The following CASK variants were observed in gnomAD, a reference collection of about 807,000 sequenced individuals.
CASK encodes calcium/calmodulin dependent serine protein kinase.
Under a neutral mutation model 82.9 loss-of-function variants are expected in CASK, and 4 were observed. That is an observed-to-expected ratio of 0.05 (90% CI 0.02 to 0.11). The LOEUF is 0.11. Among genes scored for constraint, CASK ranks in the 10% least tolerant of loss-of-function variants. The probability of loss-of-function intolerance (pLI) is 1.00; values close to 1 mark genes in which losing one functional copy is unlikely to be tolerated. For missense variants in CASK, 358 were observed against 720.9 expected (o/e 0.50, Z 5.76); for synonymous variants, 259 against 253.5 (o/e 1.02, Z -0.20).
At chrX:41,909,992 C>T (rs914963986) in intron 1 of CASK, among the ~76,000 whole-genome samples, 1 of 111,717 alleles carries the variant, frequency 9.0e-6, no homozygotes, top group African/African-American at 3.2e-5. Flanking sequence ...GAGGCCGAGG[C>T]AGGCAGATCA....
At position 41,718,466 on chromosome X, in the gene CASK, G is replaced by C. The variant is rs1441738552; in HGVS notation, c.429+20918C>G. ...GTCTTGGGGACTCAGCCTTCAACCT[G>C]TGGGATCTGACGCTATCTCCAGGTA... On this transcript the variant is annotated intron_variant, in intron 5 of 26. Transcript: ENST00000378163. Among the ~76,000 whole-genome samples the C allele has an allele frequency of 2.7e-5, 3 of 111,803 alleles. No homozygotes were observed. The East Asian group carries it at 8.5e-4, about 32-fold the overall frequency.
intron 2 of CASK, among the ~76,000 whole-genome samples, chrX:41,794,819 C>T (rs895526539): frequency 8.9e-6 from 1 of 112,632 alleles, no homozygotes; most frequent in Non-Finnish European, 1.9e-5. Context: ...ATGTTCTTCA[C>T]ATACCTGTGC....
At chrX:41,902,958 G>A (rs923017672) in intron 1 of CASK, among the ~76,000 whole-genome samples, 5 of 111,931 alleles carry the variant, frequency 4.5e-5, no homozygotes, top group Non-Finnish European at 9.4e-5. Context: ...TAGCAGTGTG[G>A]GTGGGGATTA....
chrX:41,918,486 A>T (rs2072730020), intron 1 of CASK, among the ~76,000 whole-genome samples: 1 of 112,315 alleles, frequency 8.9e-6, no homozygotes, highest in African/African-American at 3.2e-5. Context: ...ATATTAAATC[A>T]AGCCATTATA....
chrX:41,655,188 G>A (rs1249098930), intron 8 of CASK, among the ~76,000 whole-genome samples: 2 of 111,111 alleles, frequency 1.8e-5, no homozygotes, highest in Non-Finnish European at 3.8e-5. Flanking sequence ...TCTGCACTTC[G>A]AGAAATATTA....
chrX:41,832,236 T>C (rs143337906), intron 2 of CASK, among the ~76,000 whole-genome samples: 333 of 111,580 alleles, frequency 3.0e-3, no homozygotes, highest in African/African-American at 0.01. Context: ...CTTTGGACTT[T>C]CCTGAATGTG....
Position 41,748,192 on chromosome X carries a change from C to T in CASK, c.279-2591G>A, listed in dbSNP as rs761351046. 1.1e-3 allele frequency: 122 copies of T among 114,292 alleles called. 1 individual carries two copies. Among genetic ancestry groups the T allele is most frequent in the Non-Finnish European group, 2.0e-3 (109 of 54,508 alleles). The allele number at this position is 114,292 out of a possible 1,213,427, so 9.4% of individuals were successfully genotyped here. Reference sequence around the variant, plus strand: ...GCAATAAGAATTTAGGCTCTTTCTGCCATCTCTCCATGCTGCCATAATGGT... The same window carrying T: ...GCAATAAGAATTTAGGCTCTTTCTGTCATCTCTCCATGCTGCCATAATGGT... On this transcript the variant is annotated intron_variant, in intron 3 of 26. Transcript: ENST00000378163.
chrX:41,687,482 T>A (rs1050539399), intron 5 of CASK, among the ~76,000 whole-genome samples: 1 of 112,007 alleles, frequency 8.9e-6, no homozygotes, highest in African/African-American at 3.2e-5. Context: ...ATTCCACTCA[T>A]ATGAAGTGTC....
intron 5 of CASK, among the ~76,000 whole-genome samples, chrX:41,691,763 C>T (rs1412951663): frequency 1.0e-5 from 1 of 97,739 alleles, no homozygotes; most frequent in African/African-American, 3.9e-5. Flanking sequence ...ACTGCTTGAA[C>T]TCGGGAGGCG....
chrX:41,819,311 A>G (rs2070482096), intron 2 of CASK, among the ~76,000 whole-genome samples: 1 of 111,678 alleles, frequency 9.0e-6, no homozygotes, highest in African/African-American at 3.2e-5. Context: ...CAAGAAAATT[A>G]TAAGAAATAT....
intron 1 of CASK, among the ~76,000 whole-genome samples, chrX:41,864,302 C>G (rs1307339405): frequency 1.8e-5 from 2 of 111,639 alleles, no homozygotes; most frequent in African/African-American, 6.5e-5. Flanking sequence ...ACCTAACACT[C>G]TAAGTCAGGG....
At chrX:41,779,383 G>A (rs1174863192) in intron 3 of CASK, among the ~76,000 whole-genome samples, 1 of 112,054 alleles carries the variant, frequency 8.9e-6, no homozygotes, top group Non-Finnish European at 1.9e-5. Context: ...TTCAGCTAAT[G>A]TATCTTTTCC....
chrX:41,729,912 C>T (rs1206586244), intron 5 of CASK: 1 of 111,647 alleles, frequency 9.0e-6, no homozygotes, highest in Non-Finnish European at 2.0e-5. Flanking sequence ...AATTTCTTTT[C>T]TTTCATGTAA....
At position 41,917,436 on chromosome X, in the gene CASK, G is replaced by A. The variant is rs143622728; in HGVS notation, c.59+5494C>T. Among the ~76,000 whole-genome samples the A allele has an allele frequency of 9.6e-3, 1,078 of 112,181 alleles. 15 individuals carry two copies. The highest frequency in any genetic ancestry group is 0.033 in the African/African-American group (1,022 of 30,848). ...CCTACCACATTTAAAATGTGAAAAC[G>A]TTTAAGAAAATGTAATAATTCAAGA... is the stretch of plus-strand genomic sequence containing the variant. On this transcript the variant is annotated intron_variant, in intron 1 of 26. Transcript: ENST00000378163.
rs1054756242 is a variant in CASK, at chrX:41,800,771, C to T, written c.173-13488G>A. 2.4e-4 allele frequency among the ~76,000 whole-genome samples: 26 copies of T among 109,864 alleles called. No individual in the cohort carries two copies. In the East Asian group the frequency reaches 4.3e-3, roughly 18 times the overall value. On this transcript the variant is annotated intron_variant, in intron 2 of 26. Coordinates refer to ENST00000378163, the MANE Select transcript of CASK (RefSeq NM_001367721.1). ...TGCGGTGTTTGGTTTTTTGTCCTTG[C>T]GATAGTTTACTGAGAATGATGATTT...
chrX:41,780,272 T>C (rs1038853666), intron 3 of CASK, among the ~76,000 whole-genome samples: 4 of 112,204 alleles, frequency 3.6e-5, no homozygotes, highest in Non-Finnish European at 7.5e-5. Context: ...TTTCAGCAAA[T>C]TGCTACAGAC....
intron 5 of CASK, among the ~76,000 whole-genome samples, chrX:41,684,514 C>T (rs1410401500): frequency 2.7e-5 from 3 of 111,249 alleles, no homozygotes; most frequent in African/African-American, 6.6e-5. Flanking sequence ...TATATATTTT[C>T]GAGACAGGGT....
chrX:41,880,293 T>C (rs1569475714), intron 1 of CASK, among the ~76,000 whole-genome samples: 1 of 111,837 alleles, frequency 8.9e-6, no homozygotes, highest in Non-Finnish European at 1.9e-5. Context: ...CAGGAATGTG[T>C]TCAGTTTGTA....
intron 25 of CASK, among the ~76,000 whole-genome samples, chrX:41,528,008 C>G (rs1003653505): frequency 2.2e-4 from 25 of 112,546 alleles, no homozygotes; most frequent in African/African-American, 7.4e-4. Flanking sequence ...GGTGAACCAT[C>G]TTAAGGATTC....
Sources: allele counts gnomAD v4.1 joint callset (sites outside exome capture counted in the v4.1 genomes callset), GRCh38; gene constraint gnomAD v4.1.1; transcripts MANE v1.5; gene names NCBI Gene and HGNC (gene_info 2026-07-23, HGNC 2026-07-21).